The following ATP2A3 variants were observed in gnomAD, a reference collection of about 807,000 sequenced individuals.
ATP2A3 encodes ATPase sarcoplasmic/endoplasmic reticulum Ca2+ transporting 3, also known as sarcoplasmic/endoplasmic reticulum calcium ATPase 3.
Under a neutral mutation model 106.8 loss-of-function variants are expected in ATP2A3, and 61 were observed. The observed-to-expected ratio is 0.57, with a 90% confidence interval of 0.46 to 0.71. ATP2A3 has a LOEUF of 0.71. Among genes scored for constraint, ATP2A3 ranks in the 30% least tolerant of loss-of-function variants. The pLI, the probability that ATP2A3 is intolerant of heterozygous loss-of-function variation, is 0.00. For missense variants in ATP2A3, 1,201 were observed against 1,423.5 expected, an observed-to-expected ratio of 0.84 and a Z score of 2.52; for synonymous variants, 611 against 609.3, an observed-to-expected ratio of 1.00 and a Z score of -0.04.
Position 3,942,619 on chromosome 17 carries a change from TTGC to T in ATP2A3, c.1529_1531del (p.Ser510del). 1 of 1,611,666 alleles carries T rather than the reference TTGC, an allele frequency of 6.2e-7. No individual in the cohort carries two copies. Among genetic ancestry groups the T allele is most frequent in the East Asian group, 2.2e-5 (1 of 44,856 alleles). On this transcript the variant is annotated inframe_deletion, in exon 12 of 21. Transcript: ENST00000397041. ...GCAGGCCCCCACCTTCACAAACATC[TTGC>T]TGCCCTGGCCAGTAGGGTGAGGGCG... is the stretch of plus-strand genomic sequence containing the variant.
intron 20 of ATP2A3, chr17:3,927,714 C>T (rs1028955557): frequency 1.5e-5 from 15 of 984,718 alleles, no homozygotes; most frequent in African/African-American, 5.3e-5. Context: ...TGCCCACCTG[C>T]ACCCTCGAGT....
At position 3,955,625 on chromosome 17, in the gene ATP2A3, C is replaced by A. The variant is rs1201195154; in HGVS notation, c.119-1915G>T. Among the ~76,000 whole-genome samples, 1 of 152,324 alleles carries A rather than the reference C, an allele frequency of 6.6e-6. No homozygotes were observed. Among genetic ancestry groups the A allele is most frequent in the African/African-American group, 2.4e-5 (1 of 41,562 alleles). The stretch of plus-strand genomic sequence containing the variant: ...GAGCAGTGTGCTTTCGAGGTCACCC[C>A]AGCCATGCCCCAGCCTCGAATCAGG... On this transcript the variant is annotated intron_variant, in intron 1 of 20. Coordinates refer to ENST00000397041, the MANE Select transcript of ATP2A3 (RefSeq NM_005173.4). The surrounding 1 kb of genome is among the most constrained non-coding windows in gnomAD (Gnocchi z 4.2).
intron 1 of ATP2A3, among the ~76,000 whole-genome samples, chr17:3,960,418 T>A (rs2055072469): frequency 6.6e-6 from 1 of 152,220 alleles, no homozygotes; most frequent in Non-Finnish European, 1.5e-5. Flanking sequence ...ATGGGCCGCG[T>A]GTGGCCCGGG....
intron 1 of ATP2A3, among the ~76,000 whole-genome samples, chr17:3,961,581 C>T (rs2055140045): frequency 6.6e-6 from 1 of 152,220 alleles, no homozygotes; most frequent in South Asian, 2.1e-4. Context: ...TTGCAAGCTT[C>T]AGGACTTAAG....
At chr17:3,932,352 T>C (rs1361351460) in intron 17 of ATP2A3, among the ~76,000 whole-genome samples, 2 of 151,828 alleles carry the variant, frequency 1.3e-5, no homozygotes, top group Non-Finnish European at 2.9e-5. Context: ...TCATATTGGC[T>C]AGGCTGGTCT....
rs2052694655 is a variant in ATP2A3, at chr17:3,926,113, CGCCCCCA to C, written c.2981-679_2981-673del. Among the ~76,000 whole-genome samples the C allele has an allele frequency of 6.6e-6, 1 of 151,408 alleles. No individual in the cohort carries two copies. The highest frequency in any genetic ancestry group is 2.1e-4 in the South Asian group (1 of 4,778). Reference sequence around the variant, plus strand: ...GAGCCAGGAGGTGGGGTGAGAGGACCGCCCCCAGCCCCCAGGGCTGACCCAGGATCCA... The same window carrying C: ...GAGCCAGGAGGTGGGGTGAGAGGACCGCCCCCAGGGCTGACCCAGGATCCA... On this transcript the variant is annotated intron_variant, in intron 20 of 20. Transcript: ENST00000397041. The surrounding 1 kb of genome is among the most constrained non-coding windows in gnomAD (Gnocchi z 4.6).
chr17:3,964,076 C>G, intron 1 of ATP2A3, 98 bp downstream of exon 1: 1 of 661,788 alleles, frequency 1.5e-6, no homozygotes, highest in Non-Finnish European at 1.9e-6. Context: ...GCCCTCGCTT[C>G]CTGCCCGCCC....
At chr17:3,961,596 T>C (rs1005719553) in intron 1 of ATP2A3, among the ~76,000 whole-genome samples, 1 of 152,178 alleles carries the variant, frequency 6.6e-6, no homozygotes, top group African/African-American at 2.4e-5. Context: ...CTTAAGCAAA[T>C]GACTTCCTTG....
chr17:3,956,024 G>A (rs1169366494), intron 1 of ATP2A3, among the ~76,000 whole-genome samples: 12 of 151,986 alleles, frequency 7.9e-5, no homozygotes, highest in Non-Finnish European at 1.0e-4. Flanking sequence ...TGGAATTACC[G>A]GTGCCTGCCA....
chr17:3,945,745 A>G (rs765332314), intron 8 of ATP2A3, among the ~76,000 whole-genome samples: 2 of 152,310 alleles, frequency 1.3e-5, no homozygotes, highest in Non-Finnish European at 2.9e-5. Flanking sequence ...TTGTCTGTTC[A>G]GCCAGCTCTG....
Position 3,947,030 on chromosome 17 carries a change from A to T in ATP2A3, c.1095+361T>A, listed in dbSNP as rs2054153628. Among the ~76,000 whole-genome samples the T allele has an allele frequency of 6.6e-6, 1 of 152,186 alleles. No homozygotes were observed. Among genetic ancestry groups the T allele is most frequent in the African/African-American group, 2.4e-5 (1 of 41,434 alleles). On this transcript the variant is annotated intron_variant, in intron 8 of 20. Coordinates refer to ENST00000397041, the MANE Select transcript of ATP2A3 (RefSeq NM_005173.4). The surrounding 1 kb of genome is among the most constrained non-coding windows in gnomAD (Gnocchi z 7.7). ...CATGATGGGGCAGGATGGAACCCGG[A>T]TCCAGGCCCAGCTTGGCCCCTATGC...
At chr17:3,951,556 C>CCCCCCCCCT in intron 4 of ATP2A3, 25 bp downstream of exon 4, 3 of 1,345,702 alleles carry the variant, frequency 2.2e-6, no homozygotes, top group Non-Finnish European at 3.1e-6. Flanking sequence ...GCCCCCCGCC[C>CCCCCCCCCT]GGTCCCACCC....
At chr17:3,958,709 T>C (rs946017999) in intron 1 of ATP2A3, among the ~76,000 whole-genome samples, 1 of 133,420 alleles carries the variant, frequency 7.5e-6, no homozygotes, top group African/African-American at 3.2e-5. Flanking sequence ...TTCATATATA[T>C]ATATATATAC....
chr17:3,937,940 G>A (rs1001633253), intron 14 of ATP2A3, among the ~76,000 whole-genome samples: 1 of 152,172 alleles, frequency 6.6e-6, no homozygotes, highest in Non-Finnish European at 1.5e-5. Flanking sequence ...ATTGAGGTTG[G>A]ATGTGGGGTA....
At position 3,950,569 on chromosome 17, in the gene ATP2A3, G is replaced by C. The variant is rs1391355235; in HGVS notation, c.572C>G (p.Thr191Arg). The C allele has an allele frequency of 6.8e-6, 11 of 1,614,192 alleles. No individual in the cohort carries two copies. The highest frequency in any genetic ancestry group is 9.3e-6 in the Non-Finnish European group (11 of 1,180,030). The change falls in exon 7 of 21, where the codon ACA becomes AGA. Residue 191 changes from threonine (T) to arginine (R), a missense_variant. This residue lies in a region of ATP2A3 where 935 missense variants were observed against 1,176.7 expected (regional missense o/e 0.79). Transcript: ENST00000397041. ...TGESVSVTKH[T>R]EAIPDPRAVN... ...AGCTCTGGGGTCTGGGATGGCCTCTGTGTGCTTGGTCACGGACACAGATTC... is the reference window on the plus strand; with the variant it reads ...AGCTCTGGGGTCTGGGATGGCCTCTCTGTGCTTGGTCACGGACACAGATTC...
In ATP2A3 at chr17:3,926,929, A is replaced by G; in HGVS notation, c.2981-1488T>C. Reference sequence around the variant, plus strand: ...TTGACACAGTCCGCACCGTGCTTACACTCCTCCCGTGCTTCCCCACTGCCC... The same window carrying G: ...TTGACACAGTCCGCACCGTGCTTACGCTCCTCCCGTGCTTCCCCACTGCCC... On this transcript the variant is annotated intron_variant, in intron 20 of 20. Transcript: ENST00000397041. The surrounding 1 kb of genome is among the most constrained non-coding windows in gnomAD (Gnocchi z 4.6). 3 of 984,518 alleles carry G rather than the reference A, an allele frequency of 3.0e-6. No homozygotes were observed. The highest frequency in any genetic ancestry group is 9.4e-5 in the South Asian group (2 of 21,238). 61.0% of individuals were successfully genotyped at this position (984,518 alleles called of 1,614,324 possible). A position where few individuals can be genotyped will look rare whatever the true frequency, so the allele number is the denominator to read the frequency against.
chr17:3,927,181 T>C, intron 20 of ATP2A3: 1 of 985,368 alleles, frequency 1.0e-6, no homozygotes, highest in Non-Finnish European at 1.2e-6. Context: ...TCCTAGCCTG[T>C]CCCCTCCCGC....
intron 3 of ATP2A3, among the ~76,000 whole-genome samples, chr17:3,952,658 C>G (rs1250598187): frequency 6.6e-6 from 1 of 152,024 alleles, no homozygotes; most frequent in Non-Finnish European, 1.5e-5. Context: ...GGTGTGATCA[C>G]GGCTCACTGC....
chr17:3,929,604 C>A lies in ATP2A3; in HGVS notation c.2745-159G>T, dbSNP rs1827025299. On this transcript the variant is annotated intron_variant, in intron 18 of 20. Transcript: ENST00000397041. This position sits in a 1 kb window ranked among gnomAD's most constrained non-coding sequence, Gnocchi z 4.3. ...CCCGGGCTGGGACCCCTTTCTCTGC[C>A]CCTCAGACCTAATCTTGGCCGATTT... Among the ~76,000 whole-genome samples the A allele has an allele frequency of 6.6e-6, 1 of 152,178 alleles. No individual in the cohort carries two copies. Among genetic ancestry groups the A allele is most frequent in the African/African-American group, 2.4e-5 (1 of 41,438 alleles).
Sources: allele counts gnomAD v4.1 joint callset (sites outside exome capture counted in the v4.1 genomes callset), GRCh38; gene constraint gnomAD v4.1.1; regional missense constraint gnomAD v4.1.1; non-coding constraint Gnocchi (gnomAD v3.1); transcripts MANE v1.5; gene names NCBI Gene and HGNC (gene_info 2026-07-23, HGNC 2026-07-21).